The following CAMK2D variants were observed in gnomAD, a reference collection of about 807,000 sequenced individuals.
CAMK2D encodes calcium/calmodulin dependent protein kinase II delta.
A neutral mutation model predicts 84.0 loss-of-function variants in CAMK2D; 37 were observed. The observed-to-expected ratio is 0.44, with a 90% CI of 0.34 to 0.58. CAMK2D has a LOEUF of 0.58. CAMK2D is among the 20% of genes least tolerant of loss of function. The pLI is 0.02. For missense variants in CAMK2D, 448 were observed against 652.5 expected (o/e 0.69, Z 3.41); for synonymous variants, 202 against 212.5 (o/e 0.95, Z 0.43).
At chr4:113,558,266 AT>A (rs2098678973) in intron 4 of CAMK2D, among the ~76,000 whole-genome samples, 1 of 152,250 alleles carries the variant, frequency 6.6e-6, no homozygotes, top group African/African-American at 2.4e-5. Flanking sequence ...ACCAAGTCAC[AT>A]TTTTAAGAGT....
intron 16 of CAMK2D, among the ~76,000 whole-genome samples, chr4:113,467,691 T>G (rs1001268913): frequency 6.6e-6 from 1 of 152,180 alleles, no homozygotes; most frequent in African/African-American, 2.4e-5. Flanking sequence ...CAGCAAAACA[T>G]AGTGACAGAA....
chr4:113,709,781 A>ATATC (rs1491185734), intron 2 of CAMK2D, among the ~76,000 whole-genome samples: 1 of 125,322 alleles, frequency 8.0e-6, no homozygotes, highest in African/African-American at 3.2e-5. Flanking sequence ...ATATATATAT[A>ATATC]TGAGAGACTT....
At chr4:113,714,119 TC>T (rs1408009986) in intron 2 of CAMK2D, among the ~76,000 whole-genome samples, 4 of 152,116 alleles carry the variant, frequency 2.6e-5, no homozygotes, top group Admixed American at 2.6e-4. Flanking sequence ...GTCTGTTTTA[TC>T]TTTTTCCCTG....
chr4:113,696,454 A>G (rs111278125), intron 2 of CAMK2D, among the ~76,000 whole-genome samples: 2 of 152,102 alleles, frequency 1.3e-5, no homozygotes, highest in Admixed American at 6.6e-5. Flanking sequence ...TCCATTAAGA[A>G]GCAAGAGAGA....
chr4:113,580,012 A>G (rs927891141), intron 4 of CAMK2D, among the ~76,000 whole-genome samples: 1 of 152,200 alleles, frequency 6.6e-6, no homozygotes, highest in Non-Finnish European at 1.5e-5. Context: ...CTGCATGGCT[A>G]CTTACATAAC....
intron 2 of CAMK2D, among the ~76,000 whole-genome samples, chr4:113,709,975 T>C (rs1479369220): frequency 1.3e-5 from 2 of 151,324 alleles, no homozygotes; most frequent in Non-Finnish European, 2.9e-5. Flanking sequence ...CATGGTTTGA[T>C]TCTGTTATGA....
intron 5 of CAMK2D, among the ~76,000 whole-genome samples, chr4:113,548,200 A>G (rs1029344014): frequency 3.3e-5 from 5 of 152,188 alleles, no homozygotes; most frequent in Admixed American, 2.0e-4. Flanking sequence ...TTGTGCTTTA[A>G]TTTAGCTGGC....
At chr4:113,462,266 A>ATGTGTG (rs143654780) in intron 17 of CAMK2D, among the ~76,000 whole-genome samples, 1,377 of 109,350 alleles carry the variant, frequency 0.013, 14 homozygotes, top group African/African-American at 0.034. Context: ...ATATTTGGAA[A>ATGTGTG]TGTGTGTGTG....
At chr4:113,517,500 G>A in intron 9 of CAMK2D, 63 bp downstream of exon 9, 1 of 699,574 alleles carries the variant, frequency 1.4e-6, no homozygotes. Context: ...AAAAGATCTG[G>A]CTCTTGGTCA....
At chr4:113,510,294 G>A (rs1364282355) in intron 12 of CAMK2D, among the ~76,000 whole-genome samples, 1 of 152,120 alleles carries the variant, frequency 6.6e-6, no homozygotes, top group Non-Finnish European at 1.5e-5. Flanking sequence ...ATGGCATTAT[G>A]TATTCTTTTA....
At chr4:113,604,418 C>T (rs2098969007) in intron 4 of CAMK2D, among the ~76,000 whole-genome samples, 1 of 152,038 alleles carries the variant, frequency 6.6e-6, no homozygotes. Context: ...ATACTTTTAA[C>T]CATTGTTTTT....
chr4:113,682,850 C>T (rs758503846), intron 2 of CAMK2D, among the ~76,000 whole-genome samples: 70 of 152,094 alleles, frequency 4.6e-4, no homozygotes, highest in Admixed American at 1.4e-3. Context: ...CGAAGTTTTG[C>T]TGGATGAAAT....
At chr4:113,596,626 C>G (rs2098928048) in intron 4 of CAMK2D, among the ~76,000 whole-genome samples, 2 of 152,124 alleles carry the variant, frequency 1.3e-5, no homozygotes. Context: ...TCTTGGGCAA[C>G]TAGGTCAATT....
chr4:113,709,746 G>GATCTATATATATATATATATATAT (rs2099483086), intron 2 of CAMK2D, among the ~76,000 whole-genome samples: 1 of 49,824 alleles, frequency 2.0e-5, no homozygotes, highest in Non-Finnish European at 3.5e-5. Flanking sequence ...AGCCGTGAAC[G>GATCTATATATATATATATATATAT]ATATATATAT....
intron 20 of CAMK2D, 105 bp downstream of exon 20, chr4:113,455,621 T>C (rs1247037843): frequency 1.6e-6 from 1 of 609,022 alleles, no homozygotes; most frequent in Non-Finnish European, 2.9e-6. Context: ...GCGTTTTTCA[T>C]TGAATATTAT....
intron 2 of CAMK2D, among the ~76,000 whole-genome samples, chr4:113,694,224 T>C (rs1214863113): frequency 6.6e-6 from 1 of 152,174 alleles, no homozygotes; most frequent in Non-Finnish European, 1.5e-5. Flanking sequence ...CCCAGATTAA[T>C]GGAGCATCAA....
In CAMK2D at chr4:113,539,325, G is replaced by A. The variant is rs945609890; in HGVS notation, c.415-1882C>T. Among the ~76,000 whole-genome samples the A allele has an allele frequency of 2.6e-5, 4 of 152,160 alleles. No individual in the cohort carries two copies. The South Asian group carries it at 8.3e-4, about 31-fold the overall frequency. On this transcript the variant is annotated intron_variant, in intron 6 of 20. Transcript: ENST00000511664. ...CAGAGATTTCTGTTAATACACATCT[G>A]TCCTAATTTGTTAACCACAGACTCA...
At chr4:113,516,431 G>A (rs768116964) in intron 9 of CAMK2D, among the ~76,000 whole-genome samples, 1 of 152,084 alleles carries the variant, frequency 6.6e-6, no homozygotes, top group Admixed American at 6.5e-5. Context: ...ATTCCTCTAG[G>A]TATACCAAGC....
At chr4:113,743,875 G>A (rs374473070) in intron 2 of CAMK2D, among the ~76,000 whole-genome samples, 1 of 150,682 alleles carries the variant, frequency 6.6e-6, no homozygotes, top group African/African-American at 2.4e-5. Flanking sequence ...GAGTCTCACT[G>A]TGTCGCCCAG....
Sources: allele counts gnomAD v4.1 joint callset (sites outside exome capture counted in the v4.1 genomes callset), GRCh38; gene constraint gnomAD v4.1.1; transcripts MANE v1.5; gene names NCBI Gene and HGNC (gene_info 2026-07-23, HGNC 2026-07-21).